Variants in OTUD4 observed in about 807,000 individuals in gnomAD.
OTUD4 encodes OTU deubiquitinase 4.
In OTUD4, 24 loss-of-function variants were observed where a neutral mutation model predicts 130.4. The ratio of observed to expected loss-of-function variants is 0.18; its 90% confidence interval spans 0.13 to 0.26. The LOEUF (loss-of-function observed/expected upper bound fraction) is 0.26. Among genes scored for constraint, OTUD4 ranks in the 10% least tolerant of loss-of-function variants. OTUD4 has a pLI of 1.00. For missense variants in OTUD4, 1,031 were observed against 1,329.4 expected, an observed-to-expected ratio of 0.78 and a Z score of 3.49; for synonymous variants, 420 against 472.5, an observed-to-expected ratio of 0.89 and a Z score of 1.44.
At chr4:145,171,813 A>C (rs1752182937) in intron 2 of OTUD4, 93 bp from the exon 3 acceptor site, 2 of 721,758 alleles carry the variant, frequency 2.8e-6, no homozygotes. Flanking sequence ...TGAATTACTG[A>C]GTTTGTACAT....
At chr4:145,143,721 G>A (rs1207801962) in intron 16 of OTUD4, among the ~76,000 whole-genome samples, 1 of 152,088 alleles carries the variant, frequency 6.6e-6, no homozygotes, top group African/African-American at 2.4e-5. Flanking sequence ...AGAGAATAAA[G>A]GCTACTTTCT....
intron 2 of OTUD4, among the ~76,000 whole-genome samples, chr4:145,173,574 TA>T (rs1752281662): frequency 1.3e-5 from 2 of 152,190 alleles, no homozygotes; most frequent in Admixed American, 1.3e-4. Context: ...TTCCCTTCTC[TA>T]CCACACCTCT....
rs1360949268 is a variant in OTUD4, at chr4:145,137,337, CA to C, written c.*92del. The C allele has an allele frequency of 1.9e-6, 2 of 1,070,848 alleles. No homozygotes were observed. Among genetic ancestry groups the C allele is most frequent in the African/African-American group, 3.2e-5 (2 of 63,406 alleles). The allele number at this position is 1,070,848 out of a possible 1,614,324, so 66.3% of individuals were successfully genotyped here. On this transcript the variant is annotated 3_prime_UTR_variant, in exon 21 of 21. Coordinates refer to ENST00000447906, the MANE Select transcript of OTUD4 (RefSeq NM_001366057.1). ...GGGGGCTGGGGAGAGGAAAGAGTTC[CA>C]ACTGCGGTTTTTACTTTATTGTATT...
chr4:145,144,571 A>G (rs1750733295), intron 14 of OTUD4, 137 bp from the exon 15 acceptor site: 1 of 758,982 alleles, frequency 1.3e-6, no homozygotes, highest in Non-Finnish European at 2.1e-6. Context: ...CTGAAACTAA[A>G]GAAGATAGAA....
chr4:145,177,123 T>A (rs1752465088), intron 1 of OTUD4, among the ~76,000 whole-genome samples: 1 of 152,254 alleles, frequency 6.6e-6, no homozygotes, highest in Non-Finnish European at 1.5e-5. Flanking sequence ...AGAAGCTATG[T>A]TAGACACTAT....
chr4:145,164,272 GAATTTGAATTTAATCATTCATTCATT>G, intron 4 of OTUD4, 46 bp from the exon 5 acceptor site: 1 of 885,606 alleles, frequency 1.1e-6, no homozygotes, highest in Non-Finnish European at 1.8e-6. Context: ...TATACTTCAT[GAATTTGAATTTAATCATTCATTCATT>G]CATCAAGGGC....
At chr4:145,150,155 G>T (rs1272766903) in intron 13 of OTUD4, among the ~76,000 whole-genome samples, 1 of 152,126 alleles carries the variant, frequency 6.6e-6, no homozygotes, top group Non-Finnish European at 1.5e-5. Flanking sequence ...GTACAAATGG[G>T]AGTATCCTCA....
At chr4:145,161,703 T>C (rs962228519) in intron 6 of OTUD4, among the ~76,000 whole-genome samples, 14 of 152,192 alleles carry the variant, frequency 9.2e-5, no homozygotes, top group Admixed American at 2.6e-4. Context: ...AGGATGCTAC[T>C]TAACATTCTG....
intron 3 of OTUD4, among the ~76,000 whole-genome samples, chr4:145,166,859 TC>T (rs1217435632): frequency 2.0e-5 from 3 of 152,146 alleles, no homozygotes; most frequent in Non-Finnish European, 4.4e-5. Context: ...AATTCATGTT[TC>T]AGCCACACTA....
chr4:145,166,103 G>A (rs1408468284), intron 3 of OTUD4, among the ~76,000 whole-genome samples: 1 of 151,770 alleles, frequency 6.6e-6, no homozygotes. Context: ...AGAGGTTGCA[G>A]TGAGCCAAGA....
At chr4:145,171,880 C>T (rs1456543652) in intron 2 of OTUD4, among the ~76,000 whole-genome samples, 160 bp from the exon 3 acceptor site, 1 of 152,112 alleles carries the variant, frequency 6.6e-6, no homozygotes, top group Non-Finnish European at 1.5e-5. Context: ...ATTATGAAAA[C>T]ATATAGCAAT....
At chr4:145,179,793 C>CCA in intron 1 of OTUD4, 22 bp downstream of exon 1, 3 of 1,461,502 alleles carry the variant, frequency 2.1e-6, no homozygotes, top group Admixed American at 4.2e-5. Context: ...CCTCGAAGCC[C>CCA]TCCCCGCCCC....
chr4:145,143,418 C>A lies in OTUD4; in HGVS notation c.1630G>T (p.Val544Phe). The A allele has an allele frequency of 1.2e-6, 2 of 1,610,256 alleles. No homozygotes were observed. The highest frequency in any genetic ancestry group is 1.7e-6 in the Non-Finnish European group (2 of 1,176,894). ...ENITDDKYATVSSPSKSKKLE... is the reference protein window; with the variant it reads ...ENITDDKYATFSSPSKSKKLE... ...TTCTTTGACTTTGATGGTGATGAAA[C>A]TGTTGCATATTTATCATCAGTAATA... The change falls in exon 17 of 21, where the codon GTT (valine) becomes TTT (phenylalanine). Residue 544 changes from valine to phenylalanine, a missense_variant. Physicochemically the swap from Val to Phe is conservative, Grantham distance 50. This residue lies in a region of OTUD4 where 900 missense variants were observed against 1,095.9 expected (regional missense o/e 0.82). Transcript: ENST00000447906.
intron 1 of OTUD4, 67 bp downstream of exon 1, chr4:145,179,748 T>TCC: frequency 1.4e-6 from 2 of 1,398,080 alleles, no homozygotes; most frequent in Non-Finnish European, 1.9e-6. Flanking sequence ...CGCAGCTGCC[T>TCC]CCCCACCCAG....
At position 145,145,169 on chromosome 4, in the gene OTUD4, TAC is replaced by T; in HGVS notation, c.1423-737_1423-736del. Among the ~76,000 whole-genome samples the T allele has an allele frequency of 1.3e-5, 2 of 152,332 alleles. 1 individual carries two copies. Among genetic ancestry groups the T allele is most frequent in the South Asian group, 4.1e-4 (2 of 4,830 alleles). ...ATCTGTACCCACATTACAGTAGTTGTACATTTACAATTCACTAACTGAAAAAT... is the reference window on the plus strand; with the variant it reads ...ATCTGTACCCACATTACAGTAGTTGTATTTACAATTCACTAACTGAAAAAT... On this transcript the variant is annotated intron_variant, in intron 14 of 20. Coordinates refer to ENST00000447906, the MANE Select transcript of OTUD4 (RefSeq NM_001366057.1).
chr4:145,157,092 G>C (rs1212496035), intron 7 of OTUD4, among the ~76,000 whole-genome samples: 2 of 152,088 alleles, frequency 1.3e-5, no homozygotes, highest in African/African-American at 2.4e-5. Context: ...CTAGGGTCTA[G>C]CATTTAAGAG....
At chr4:145,154,812 C>A (rs1268416153) in intron 10 of OTUD4, among the ~76,000 whole-genome samples, 1 of 151,160 alleles carries the variant, frequency 6.6e-6, no homozygotes, top group Admixed American at 6.6e-5. Flanking sequence ...AAAAATGTCT[C>A]CAGACACTGC....
chr4:145,147,544 A>C (rs1307608942), intron 13 of OTUD4, among the ~76,000 whole-genome samples: 1 of 152,210 alleles, frequency 6.6e-6, no homozygotes, highest in East Asian at 1.9e-4. Context: ...CCTTCATCTC[A>C]TCCTCACCTA....
chr4:145,174,997 G>A (rs909435207), intron 1 of OTUD4, among the ~76,000 whole-genome samples: 2 of 152,122 alleles, frequency 1.3e-5, no homozygotes, highest in Admixed American at 1.3e-4. Context: ...TTCTCCTTTA[G>A]GACATTTTTG....
Sources: allele counts gnomAD v4.1 joint callset (sites outside exome capture counted in the v4.1 genomes callset), GRCh38; gene constraint gnomAD v4.1.1; regional missense constraint gnomAD v4.1.1; transcripts MANE v1.5; gene names NCBI Gene and HGNC (gene_info 2026-07-23, HGNC 2026-07-21).